TMTC1: variants seen among roughly 807,000 people sequenced by gnomAD.
TMTC1 encodes the protein protein O-mannosyl-transferase TMTC1.
TMTC1 carries 73 observed loss-of-function variants against 104.8 expected under a neutral mutation model. That is an observed-to-expected ratio of 0.70 (90% CI 0.58 to 0.85). The LOEUF is 0.85. TMTC1 is among the 40% of genes least tolerant of loss of function. The pLI is 0.00. For synonymous variants in TMTC1, 434 were observed against 428.7 expected, an observed-to-expected ratio of 1.01 and a Z score of -0.15; for missense variants, 1,035 against 1,096.1, an observed-to-expected ratio of 0.94 and a Z score of 0.79.
chr12:29,562,578 G>C (rs1406967092), intron 9 of TMTC1, among the ~76,000 whole-genome samples: 1 of 152,132 alleles, frequency 6.6e-6, no homozygotes, highest in East Asian at 1.9e-4. Flanking sequence ...GGTTTTTGTG[G>C]CAGAATAGAT....
Position 29,686,595 on chromosome 12 carries a change from C to T in TMTC1, c.939-53259G>A, listed in dbSNP as rs556746565. 2.6e-5 allele frequency among the ~76,000 whole-genome samples: 4 copies of T among 152,318 alleles called. No individual in the cohort carries two copies. The East Asian group carries it at 7.7e-4, about 29-fold the overall frequency. On this transcript the variant is annotated intron_variant, in intron 5 of 17. Transcript: ENST00000539277. ...TCCCTGAGCCAGTAGGAATCCACTCCTGTCAGGGCTGCTCTCCAACCCATA... is the reference window on the plus strand; with the variant it reads ...TCCCTGAGCCAGTAGGAATCCACTCTTGTCAGGGCTGCTCTCCAACCCATA...
intron 5 of TMTC1, among the ~76,000 whole-genome samples, chr12:29,707,748 G>A (rs1056795493): frequency 2.0e-5 from 3 of 152,044 alleles, no homozygotes; most frequent in East Asian, 1.9e-4. Flanking sequence ...ACATCCTCCC[G>A]CAGTCTCATC....
At chr12:29,559,633 T>C (rs1176382758) in intron 9 of TMTC1, among the ~76,000 whole-genome samples, 1 of 152,200 alleles carries the variant, frequency 6.6e-6, no homozygotes, top group Non-Finnish European at 1.5e-5. Context: ...GGACCAATTA[T>C]AGTCCGGGAA....
In TMTC1 at chr12:29,783,700, G is replaced by T. The variant is rs913503788; in HGVS notation, c.52C>A (p.Arg18=). 7.9e-7 allele frequency: 1 copy of T among 1,258,284 alleles called. No homozygotes were observed. Among genetic ancestry groups the T allele is most frequent in the African/African-American group, 1.6e-5 (1 of 64,068 alleles). 77.9% of individuals were successfully genotyped at this position (1,258,284 alleles called of 1,614,324 possible). A position where few individuals can be genotyped will look rare whatever the true frequency, so the allele number is the denominator to read the frequency against. The part of the protein sequence containing the change: ...RGGGGDRTPS[R]RRGCGLAPAG... ...GGCGCTAGCCCGCAGCCCCGCCGCC[G>T]GGAGGGTGTGCGGTCCCCGCCGCCG... Residue 18 remains arginine (R), a synonymous_variant, in exon 1 of 18, where the codon CGG becomes AGG. Coordinates refer to ENST00000539277, the MANE Select transcript of TMTC1 (RefSeq NM_001193451.2). This position sits in a 1 kb window ranked among gnomAD's most constrained non-coding sequence, Gnocchi z 4.7.
intron 8 of TMTC1, among the ~76,000 whole-genome samples, chr12:29,576,316 T>C (rs1394820649): frequency 6.6e-6 from 1 of 152,118 alleles, no homozygotes; most frequent in Non-Finnish European, 1.5e-5. Flanking sequence ...TATCAAAAAA[T>C]TCATAGCCAA....
At chr12:29,697,948 C>T (rs12306497) in intron 5 of TMTC1, among the ~76,000 whole-genome samples, 6,844 of 152,160 alleles carry the variant, frequency 0.045, 192 homozygotes, top group Middle Eastern at 0.075. Context: ...TGTAGGCACC[C>T]GGTGGTCTAG....
intron 7 of TMTC1, among the ~76,000 whole-genome samples, chr12:29,594,760 T>C (rs537045059): frequency 2.6e-5 from 4 of 152,276 alleles, no homozygotes; most frequent in Admixed American, 2.0e-4. Context: ...GCATCTGCAA[T>C]TGAGTCTCTC....
chr12:29,683,343 C>CA (rs916616166), intron 5 of TMTC1, among the ~76,000 whole-genome samples: 13 of 152,000 alleles, frequency 8.6e-5, no homozygotes, highest in Admixed American at 3.3e-4. Context: ...TCACTCTTCC[C>CA]AAAAAAGCAT....
intron 5 of TMTC1, among the ~76,000 whole-genome samples, chr12:29,669,938 G>A (rs148428663): frequency 2.6e-4 from 40 of 152,320 alleles, no homozygotes; most frequent in African/African-American, 9.4e-4. Context: ...TCTAGCACCA[G>A]GATTGAGTCT....
At chr12:29,713,804 T>C (rs930580002) in intron 5 of TMTC1, among the ~76,000 whole-genome samples, 3 of 152,188 alleles carry the variant, frequency 2.0e-5, no homozygotes, top group South Asian at 2.1e-4. Context: ...ATAATTACTA[T>C]GGTGTGAATG....
intron 8 of TMTC1, among the ~76,000 whole-genome samples, chr12:29,577,547 G>T (rs1945858085): frequency 1.3e-5 from 2 of 152,122 alleles, no homozygotes; most frequent in Non-Finnish European, 2.9e-5. Context: ...ACACAGAATA[G>T]GAGGACCCAA....
Position 29,760,752 on chromosome 12 carries a change from T to C in TMTC1, c.481-1975A>G, listed in dbSNP as rs535546047. On this transcript the variant is annotated intron_variant, in intron 2 of 17. Coordinates refer to ENST00000539277, the MANE Select transcript of TMTC1 (RefSeq NM_001193451.2). ...GCTAACAAATTATAAATTTTATGTG[T>C]AGCAATATTTTGTAGCGTTACATTT... 1.1e-4 allele frequency among the ~76,000 whole-genome samples: 17 copies of C among 151,562 alleles called. No homozygotes were observed. In the East Asian group the frequency reaches 3.1e-3, roughly 28 times the overall value.
At chr12:29,567,523 C>T (rs766795963) in intron 9 of TMTC1, among the ~76,000 whole-genome samples, 2 of 152,094 alleles carry the variant, frequency 1.3e-5, no homozygotes, top group Non-Finnish European at 2.9e-5. Context: ...AAAATAATTT[C>T]GTGTCTACTT....
chr12:29,551,248 G>A (rs1565664716), intron 10 of TMTC1, among the ~76,000 whole-genome samples: 1 of 152,152 alleles, frequency 6.6e-6, no homozygotes, highest in African/African-American at 2.4e-5. Flanking sequence ...TTAAAAGGTA[G>A]AGAAAAACTA....
intron 2 of TMTC1, among the ~76,000 whole-genome samples, chr12:29,759,196 T>C (rs1943286249): frequency 6.6e-6 from 1 of 152,196 alleles, no homozygotes; most frequent in Non-Finnish European, 1.5e-5. Flanking sequence ...TGAGAATCAA[T>C]ACTTTTAACA....
intron 5 of TMTC1, among the ~76,000 whole-genome samples, chr12:29,669,900 T>C (rs10771563): frequency 0.55 from 84,098 of 151,772 alleles, 23,500 homozygotes; most frequent in African/African-American, 0.63. Context: ...GGCCCCATTG[T>C]ACAGATTTAG....
intron 8 of TMTC1, among the ~76,000 whole-genome samples, chr12:29,582,557 G>A (rs1946010816): frequency 6.6e-6 from 1 of 152,148 alleles, no homozygotes; most frequent in Non-Finnish European, 1.5e-5. Flanking sequence ...TGCTCAAGAC[G>A]GATTTTCCAG....
At chr12:29,511,550 T>C (rs73280555) in intron 17 of TMTC1, among the ~76,000 whole-genome samples, 12,513 of 152,136 alleles carry the variant, frequency 0.082, 740 homozygotes, top group East Asian at 0.19. Context: ...TGTTTTTCCT[T>C]TGGAAAAACA....
intron 2 of TMTC1, among the ~76,000 whole-genome samples, chr12:29,762,385 CTTTTTTT>C (rs1943372057): frequency 1.3e-5 from 2 of 151,968 alleles, no homozygotes; most frequent in African/African-American, 4.8e-5. Flanking sequence ...TTTCTTTTTT[CTTTTTTT>C]CAGAGAAAGG....
Sources: gnomAD v4.1 joint callset for allele counts (sites outside exome capture counted in the v4.1 genomes callset) on GRCh38, gnomAD v4.1.1 for gene constraint, Gnocchi (gnomAD v3.1) non-coding constraint, MANE v1.5 for transcripts, NCBI Gene and HGNC (gene_info 2026-07-23, HGNC 2026-07-21) for gene names.